Variants in LHCGR observed in about 807,000 individuals in gnomAD.
The protein encoded by LHCGR is lutropin-choriogonadotropic hormone receptor.
A neutral mutation model predicts 60.7 loss-of-function variants in LHCGR; 55 were observed. The ratio of observed to expected loss-of-function variants is 0.91; its 90% confidence interval spans 0.73 to 1.13. LHCGR has a LOEUF of 1.13. LHCGR is among the 50% of genes most tolerant of loss of function. LHCGR has a pLI of 0.00. For missense variants in LHCGR, 862 were observed against 836.0 expected (o/e 1.03, Z -0.38); for synonymous variants, 337 against 316.5 (o/e 1.06, Z -0.69).
At chr2:48,693,890 T>G (rs1405547594) in intron 10 of LHCGR, among the ~76,000 whole-genome samples, 1 of 152,206 alleles carries the variant, frequency 6.6e-6, no homozygotes, top group Non-Finnish European at 1.5e-5. Flanking sequence ...ACCATGTGAC[T>G]AGGGAAAATT....
intron 1 of LHCGR, among the ~76,000 whole-genome samples, chr2:48,750,459 C>A (rs979328630): frequency 3.9e-5 from 6 of 152,246 alleles, no homozygotes; most frequent in African/African-American, 1.4e-4. Context: ...CTGCTATTTC[C>A]CATTCAAATG....
chr2:48,750,793 G>A (rs1010534657), intron 1 of LHCGR, among the ~76,000 whole-genome samples: 14 of 152,194 alleles, frequency 9.2e-5, no homozygotes, highest in Non-Finnish European at 1.8e-4. Context: ...AAAACCAAGG[G>A]GTGGGGAGGA....
intron 7 of LHCGR, 144 bp from the exon 8 acceptor site, chr2:48,709,166 A>T: frequency 1.4e-6 from 1 of 716,658 alleles, no homozygotes; most frequent in Non-Finnish European, 2.5e-6. Flanking sequence ...GGAAAGTGGG[A>T]AAAAGACAAG....
At chr2:48,701,617 T>C (rs938901009) in intron 8 of LHCGR, among the ~76,000 whole-genome samples, 1 of 152,158 alleles carries the variant, frequency 6.6e-6, no homozygotes, top group East Asian at 1.9e-4. Flanking sequence ...CCAGAACTCC[T>C]TTCCCCCCAA....
chr2:48,705,558 A>C (rs946390752), intron 8 of LHCGR, among the ~76,000 whole-genome samples: 1 of 152,222 alleles, frequency 6.6e-6, no homozygotes, highest in African/African-American at 2.4e-5. Context: ...AACTGGCTTT[A>C]TGAATCTGGA....
At chr2:48,739,115 C>T (rs1401337891) in intron 1 of LHCGR, among the ~76,000 whole-genome samples, 1 of 152,154 alleles carries the variant, frequency 6.6e-6, no homozygotes, top group African/African-American at 2.4e-5. Flanking sequence ...CAATGAGATA[C>T]CATCTCATAC....
At chr2:48,754,345 G>C (rs912736983) in intron 1 of LHCGR, among the ~76,000 whole-genome samples, 5 of 152,168 alleles carry the variant, frequency 3.3e-5, no homozygotes, top group African/African-American at 7.2e-5. Context: ...GGCAGAGGGG[G>C]TGGTCTCCTT....
intron 1 of LHCGR, among the ~76,000 whole-genome samples, chr2:48,737,590 G>T (rs1466216622): frequency 6.6e-6 from 1 of 152,152 alleles, no homozygotes; most frequent in African/African-American, 2.4e-5. Flanking sequence ...AAAGGCATCG[G>T]ACTATTTGGT....
intron 1 of LHCGR, among the ~76,000 whole-genome samples, chr2:48,733,610 G>T (rs1669097341): frequency 6.6e-6 from 1 of 152,124 alleles, no homozygotes; most frequent in African/African-American, 2.4e-5. Context: ...TGTGGATATG[G>T]CTGGGTCAAG....
chr2:48,743,906 C>G (rs1669585881), intron 1 of LHCGR, among the ~76,000 whole-genome samples: 1 of 151,460 alleles, frequency 6.6e-6, no homozygotes, highest in Admixed American at 6.6e-5. Context: ...GTCAAATTGT[C>G]CCTGTTTGCA....
chr2:48,753,702 G>A (rs1670082655), intron 1 of LHCGR, among the ~76,000 whole-genome samples: 1 of 152,168 alleles, frequency 6.6e-6, no homozygotes, highest in African/African-American at 2.4e-5. Context: ...GAGCCCTTGA[G>A]AGATCTTACT....
intron 4 of LHCGR, among the ~76,000 whole-genome samples, chr2:48,725,259 T>A (rs905684249): frequency 6.6e-6 from 1 of 152,068 alleles, no homozygotes; most frequent in African/African-American, 2.4e-5. Flanking sequence ...ATGAAAAAAA[T>A]GAGATAAAGG....
chr2:48,702,803 G>A (rs572969582), intron 8 of LHCGR, among the ~76,000 whole-genome samples: 21 of 152,228 alleles, frequency 1.4e-4, no homozygotes, highest in Non-Finnish European at 2.5e-4. Flanking sequence ...GGGATCGCTC[G>A]GTCAAATGGT....
intron 1 of LHCGR, among the ~76,000 whole-genome samples, chr2:48,749,658 T>C (rs141198583): frequency 6.8e-6 from 1 of 147,012 alleles, no homozygotes; most frequent in East Asian, 2.0e-4. Flanking sequence ...AGGAAGAAGA[T>C]AGAGGTGGGC....
intron 1 of LHCGR, among the ~76,000 whole-genome samples, chr2:48,752,639 T>C (rs568656211): frequency 2.0e-5 from 3 of 152,280 alleles, no homozygotes; most frequent in Admixed American, 6.5e-5. Flanking sequence ...GATTTCAGTA[T>C]GAACCTGTCC....
At chr2:48,751,798 C>G (rs1190540140) in intron 1 of LHCGR, among the ~76,000 whole-genome samples, 2 of 152,214 alleles carry the variant, frequency 1.3e-5, no homozygotes, top group Non-Finnish European at 2.9e-5. Context: ...AAGCCAATAT[C>G]TTGCCAAGGC....
At position 48,709,034 on chromosome 2, in the gene LHCGR, G is replaced by T. The variant is rs757305148; in HGVS notation, c.606-12C>A. The T allele has an allele frequency of 3.1e-6, 5 of 1,608,622 alleles. No homozygotes were observed. The highest frequency in any genetic ancestry group is 4.5e-5 in the East Asian group (2 of 44,858). On this transcript the variant is annotated splice_polypyrimidine_tract_variant and intron_variant, in intron 7 of 10. Coordinates refer to ENST00000294954, the MANE Select transcript of LHCGR (RefSeq NM_000233.4). ...TTTCCTTTAGCTCCCTGTGGGGAAG[G>T]ATATTGCCCTTAGTGGAGTTTGTAC...
chr2:48,751,028 G>A (rs1007674484), intron 1 of LHCGR, among the ~76,000 whole-genome samples: 3 of 152,278 alleles, frequency 2.0e-5, no homozygotes, highest in Middle Eastern at 3.4e-3. Flanking sequence ...TGAACAAATG[G>A]CTGCATTATG....
intron 9 of LHCGR, among the ~76,000 whole-genome samples, chr2:48,695,804 T>G (rs1667090757): frequency 6.6e-6 from 1 of 152,190 alleles, no homozygotes; most frequent in South Asian, 2.1e-4. Context: ...AAATACTGCA[T>G]CTTCTCACTT....
Sources: allele counts gnomAD v4.1 joint callset (sites outside exome capture counted in the v4.1 genomes callset), GRCh38; gene constraint gnomAD v4.1.1; transcripts MANE v1.5; gene names NCBI Gene and HGNC (gene_info 2026-07-23, HGNC 2026-07-21).